The following OSBPL9 variants were observed in gnomAD, a reference collection of about 807,000 sequenced individuals.
OSBPL9 encodes oxysterol binding protein like 9, also known as oxysterol-binding protein-related protein 9.
A neutral mutation model predicts 106.6 loss-of-function variants in OSBPL9; 40 were observed. The observed-to-expected ratio is 0.38, with a 90% confidence interval of 0.29 to 0.49. The LOEUF (loss-of-function observed/expected upper bound fraction) is 0.49, where lower values mean the gene tolerates loss of function less well. Among genes scored for constraint, OSBPL9 ranks in the 20% least tolerant of loss-of-function variants. The pLI is 0.97. For synonymous variants in OSBPL9, 269 were observed against 295.4 expected, an observed-to-expected ratio of 0.91 and a Z score of 0.92; for missense variants, 609 against 887.2, an observed-to-expected ratio of 0.69 and a Z score of 3.98.
intron 1 of OSBPL9, among the ~76,000 whole-genome samples, chr1:51,628,903 C>G (rs1644939200): frequency 6.6e-6 from 1 of 151,906 alleles, no homozygotes; most frequent in African/African-American, 2.4e-5. Context: ...AGGCTGGTCT[C>G]CTGACCTCAA....
At chr1:51,702,818 G>T (rs994467300) in intron 3 of OSBPL9, among the ~76,000 whole-genome samples, 3 of 152,146 alleles carry the variant, frequency 2.0e-5, no homozygotes, top group Non-Finnish European at 4.4e-5. Context: ...ATTAATTTTT[G>T]TATAAGGTGT....
At chr1:51,548,935 C>T in the OSBPL9 span, among the ~76,000 whole-genome samples, 3 of 152,174 alleles carry the variant, frequency 2.0e-5, no homozygotes, top group African/African-American at 4.8e-5. Flanking sequence ...ATCAGACTGG[C>T]ATCCCTAAAA....
At chr1:51,680,034 GT>G (rs1184908222) in intron 3 of OSBPL9, among the ~76,000 whole-genome samples, 1 of 152,090 alleles carries the variant, frequency 6.6e-6, no homozygotes, top group African/African-American at 2.4e-5. Context: ...ATGTGTGCGT[GT>G]TATAAAATTG....
At chr1:51,761,840 C>T (rs1671574226) in intron 10 of OSBPL9, 27 bp from the exon 11 acceptor site, 1 of 1,531,460 alleles carries the variant, frequency 6.5e-7, no homozygotes, top group Admixed American at 1.7e-5. Flanking sequence ...GTTTCTGTAC[C>T]TTATTTTATA....
chr1:51,723,837 T>C (rs569544029), intron 4 of OSBPL9, among the ~76,000 whole-genome samples: 1 of 152,048 alleles, frequency 6.6e-6, no homozygotes, highest in South Asian at 2.1e-4. Flanking sequence ...TTTATGTGGA[T>C]GTATGTTGTC....
At chr1:51,549,712 C>T in the OSBPL9 span, among the ~76,000 whole-genome samples, 1 of 152,158 alleles carries the variant, frequency 6.6e-6, no homozygotes, top group Non-Finnish European at 1.5e-5. Context: ...CACGCCTGTA[C>T]TCCCAAGCTA....
intron 4 of OSBPL9, among the ~76,000 whole-genome samples, chr1:51,743,970 G>A (rs745704832): frequency 6.6e-6 from 1 of 151,660 alleles, no homozygotes. Context: ...TGTTTATTAA[G>A]ATTTTTTTTT....
intron 1 of OSBPL9, among the ~76,000 whole-genome samples, chr1:51,633,406 A>G (rs1216841657): frequency 6.6e-6 from 1 of 151,448 alleles, no homozygotes; most frequent in Non-Finnish European, 1.5e-5. Flanking sequence ...CCCTGTCTCT[A>G]CAAAAAAATA....
chr1:51,530,654 G>A, the OSBPL9 span, among the ~76,000 whole-genome samples: 4 of 152,118 alleles, frequency 2.6e-5, no homozygotes, highest in South Asian at 4.1e-4. Flanking sequence ...CTATGATTGC[G>A]TCACTGCACT....
At chr1:51,740,527 T>C (rs944628816) in intron 4 of OSBPL9, among the ~76,000 whole-genome samples, 3 of 152,056 alleles carry the variant, frequency 2.0e-5, no homozygotes, top group Admixed American at 6.5e-5. Context: ...AACTTACCTG[T>C]TTTTCTTGTT....
At chr1:51,636,234 C>T (rs569851499) in intron 1 of OSBPL9, among the ~76,000 whole-genome samples, 20 of 130,810 alleles carry the variant, frequency 1.5e-4, no homozygotes, top group Middle Eastern at 5.3e-3. Context: ...GATCATAGTT[C>T]ACTGTAGCCT....
At chr1:51,558,527 T>C in the OSBPL9 span, among the ~76,000 whole-genome samples, 1 of 152,104 alleles carries the variant, frequency 6.6e-6, no homozygotes, top group Non-Finnish European at 1.5e-5. Context: ...CCCAAATTGA[T>C]AAACTGGCTC....
At chr1:51,612,726 A>G (rs543364643), upstream of OSBPL9, among the ~76,000 whole-genome samples, 1 of 152,336 alleles carries the variant, frequency 6.6e-6, no homozygotes, top group South Asian at 2.1e-4. Context: ...GTTAAAACTG[A>G]TTTAGAAGTT....
At chr1:51,702,185 A>G (rs556112490) in intron 3 of OSBPL9, among the ~76,000 whole-genome samples, 115 of 152,320 alleles carry the variant, frequency 7.5e-4, no homozygotes, top group African/African-American at 2.7e-3. Flanking sequence ...GCTGGGTCAA[A>G]TGGTATTTCT....
intron 3 of OSBPL9, among the ~76,000 whole-genome samples, chr1:51,680,284 T>A (rs1323607480): frequency 6.6e-6 from 1 of 151,752 alleles, no homozygotes; most frequent in Non-Finnish European, 1.5e-5. Flanking sequence ...TCATTCTGTA[T>A]AAATAGGTTA....
At chr1:51,736,565 G>A (rs1571421963) in intron 4 of OSBPL9, among the ~76,000 whole-genome samples, 1 of 152,080 alleles carries the variant, frequency 6.6e-6, no homozygotes, top group Non-Finnish European at 1.5e-5. Flanking sequence ...AAATTTTCAA[G>A]AAGTATTAGG....
chr1:51,704,482 T>C (rs370137525), intron 3 of OSBPL9, among the ~76,000 whole-genome samples: 3 of 152,202 alleles, frequency 2.0e-5, no homozygotes, highest in Admixed American at 1.3e-4. Flanking sequence ...GGATCGGTGG[T>C]GATTTTTCAA....
At chr1:51,772,834 T>G in intron 14 of OSBPL9, 111 bp downstream of exon 14, 1 of 767,976 alleles carries the variant, frequency 1.3e-6, no homozygotes, top group South Asian at 1.5e-5. Flanking sequence ...TTTATACCTG[T>G]GTCTTCTTGT....
At chr1:51,580,295 T>G (rs144838024) in intron 1 of OSBPL9, among the ~76,000 whole-genome samples, 4 of 152,384 alleles carry the variant, frequency 2.6e-5, no homozygotes, top group African/African-American at 9.6e-5. Context: ...TGTTCTCATT[T>G]ATAAATAAGG....
Sources: gnomAD v4.1 joint callset for allele counts (sites outside exome capture counted in the v4.1 genomes callset) on GRCh38, gnomAD v4.1.1 for gene constraint, MANE v1.5 for transcripts, NCBI Gene and HGNC (gene_info 2026-07-23, HGNC 2026-07-21) for gene names.